The following SORCS3 variants were observed in gnomAD, a reference collection of about 807,000 sequenced individuals.
SORCS3 encodes sortilin related VPS10 domain containing receptor 3.
SORCS3 carries 57 observed loss-of-function variants against 146.3 expected under a neutral mutation model. That is an observed-to-expected ratio of 0.39 (90% CI 0.31 to 0.49). The LOEUF (loss-of-function observed/expected upper bound fraction) is 0.49. Among genes scored for constraint, SORCS3 ranks in the 20% least tolerant of loss-of-function variants. The pLI is 0.92. For missense variants in SORCS3, 1,341 were observed against 1,575.5 expected (o/e 0.85, Z 2.52); for synonymous variants, 653 against 618.5 (o/e 1.06, Z -0.83).
intron 14 of SORCS3, among the ~76,000 whole-genome samples, chr10:105,182,270 T>A (rs1242690786): frequency 7.5e-6 from 1 of 133,204 alleles, no homozygotes; most frequent in Non-Finnish European, 1.6e-5. Flanking sequence ...GGTATCACAT[T>A]GAGCACTTTT....
intron 18 of SORCS3, among the ~76,000 whole-genome samples, chr10:105,215,505 A>G (rs575141176): frequency 6.6e-6 from 1 of 152,274 alleles, no homozygotes; most frequent in Non-Finnish European, 1.5e-5. Context: ...GGGTTGACAG[A>G]TTTCTCAGCC....
At chr10:104,834,293 T>A (rs912672747) in intron 1 of SORCS3, among the ~76,000 whole-genome samples, 1 of 152,174 alleles carries the variant, frequency 6.6e-6, no homozygotes, top group South Asian at 2.1e-4. Flanking sequence ...GTACCAAGAT[T>A]CTTACAGTGC....
At chr10:105,101,345 G>A (rs1033930927) in intron 6 of SORCS3, among the ~76,000 whole-genome samples, 3 of 152,130 alleles carry the variant, frequency 2.0e-5, no homozygotes, top group African/African-American at 7.2e-5. Flanking sequence ...TGACCGCCAG[G>A]CCTGCCTGAC....
intron 1 of SORCS3, among the ~76,000 whole-genome samples, chr10:104,717,673 A>G (rs1361689072): frequency 6.6e-6 from 1 of 152,208 alleles, no homozygotes; most frequent in Non-Finnish European, 1.5e-5. Flanking sequence ...AGATAGTCAC[A>G]CCATCCAAGG....
intron 3 of SORCS3, among the ~76,000 whole-genome samples, chr10:104,975,165 T>C (rs2054887673): frequency 6.6e-6 from 1 of 152,188 alleles, no homozygotes; most frequent in Middle Eastern, 3.4e-3. Context: ...AAAACCCCAT[T>C]GTCTCAGCCC....
At chr10:105,053,209 A>G (rs1441075960) in intron 5 of SORCS3, among the ~76,000 whole-genome samples, 1 of 152,100 alleles carries the variant, frequency 6.6e-6, no homozygotes, top group Non-Finnish European at 1.5e-5. Context: ...TTCAGATACC[A>G]TCAGTTTGGA....
intron 13 of SORCS3, among the ~76,000 whole-genome samples, chr10:105,169,585 G>T (rs1589668916): frequency 6.6e-6 from 1 of 152,208 alleles, no homozygotes; most frequent in East Asian, 1.9e-4. Context: ...TGTAGGGAGT[G>T]TTCAGGGTAC....
intron 1 of SORCS3, among the ~76,000 whole-genome samples, chr10:104,818,374 T>C (rs949012342): frequency 1.3e-5 from 2 of 148,780 alleles, no homozygotes; most frequent in Non-Finnish European, 3.0e-5. Flanking sequence ...CCTTCCTTCC[T>C]TCCTTCCTTC....
At chr10:105,133,656 A>T (rs11192333) in intron 7 of SORCS3, among the ~76,000 whole-genome samples, 1 of 151,930 alleles carries the variant, frequency 6.6e-6, no homozygotes, top group Non-Finnish European at 1.5e-5. Flanking sequence ...AAAATATAGC[A>T]CCAGACTAGA....
At position 104,641,510 on chromosome 10, in the gene SORCS3, G is replaced by T. The variant is rs1162094040; in HGVS notation, c.183G>T (p.Pro61=). Residue 61 remains proline, a synonymous_variant, in exon 1 of 27, where the codon CCG becomes CCT. Coordinates refer to ENST00000369701, the MANE Select transcript of SORCS3 (RefSeq NM_014978.3). This position sits in a 1 kb window ranked among gnomAD's most constrained non-coding sequence, Gnocchi z 6.4. ...CACCGGCGTTGTCTCCACTCTCGCC[G>T]CGGGCAGTGGCCAGCCAGTGGCCGG... is the stretch of plus-strand genomic sequence containing the variant. The part of the protein sequence containing the change: ...SRPPALSPLS[P]RAVASQWPEE... 2 of 1,473,642 alleles carry T rather than the reference G, an allele frequency of 1.4e-6. No individual in the cohort carries two copies. Among genetic ancestry groups the T allele is most frequent in the African/African-American group, 1.5e-5 (1 of 67,982 alleles). 91.3% of individuals were successfully genotyped at this position (1,473,642 alleles called of 1,614,324 possible). A position where few individuals can be genotyped will look rare whatever the true frequency, so the allele number is the denominator to read the frequency against.
At chr10:105,040,283 A>G (rs549319336) in intron 4 of SORCS3, among the ~76,000 whole-genome samples, 26 of 152,290 alleles carry the variant, frequency 1.7e-4, no homozygotes, top group Non-Finnish European at 2.9e-4. Context: ...ATATAGAAAT[A>G]TCCACAAATA....
intron 2 of SORCS3, among the ~76,000 whole-genome samples, chr10:104,890,303 ATGT>A (rs2018736359): frequency 6.6e-6 from 1 of 151,730 alleles, no homozygotes; most frequent in Non-Finnish European, 1.5e-5. Flanking sequence ...ATTACAACTG[ATGT>A]TGTCCTGCAG....
At chr10:105,185,659 C>T (rs770958295) in intron 14 of SORCS3, among the ~76,000 whole-genome samples, 55 of 152,212 alleles carry the variant, frequency 3.6e-4, no homozygotes, top group Non-Finnish European at 7.5e-4. Flanking sequence ...CTTGTGTACC[C>T]ACCACCTGAA....
chr10:105,066,472 T>A (rs1008174219), intron 5 of SORCS3, among the ~76,000 whole-genome samples: 1 of 152,194 alleles, frequency 6.6e-6, no homozygotes, highest in Admixed American at 6.5e-5. Flanking sequence ...CACAAAAGGC[T>A]GCTTTTTCCT....
intron 14 of SORCS3, among the ~76,000 whole-genome samples, chr10:105,195,832 T>C (rs1312117451): frequency 6.6e-6 from 1 of 152,224 alleles, no homozygotes; most frequent in East Asian, 1.9e-4. Context: ...GCAAAGCTCA[T>C]AATCCTACCA....
intron 2 of SORCS3, among the ~76,000 whole-genome samples, chr10:104,903,212 A>C (rs538571081): frequency 1.1e-3 from 167 of 152,300 alleles, no homozygotes; most frequent in African/African-American, 3.9e-3. Flanking sequence ...GATTCAGTGA[A>C]CTGCTTTAAG....
At position 104,654,028 on chromosome 10, in the gene SORCS3, G is replaced by A. The variant is rs532526893; in HGVS notation, c.627+12074G>A. Among the ~76,000 whole-genome samples, 11 of 151,738 alleles carry A rather than the reference G, an allele frequency of 7.2e-5. No homozygotes were observed. The South Asian group carries it at 1.0e-3, about 14-fold the overall frequency. On this transcript the variant is annotated intron_variant, in intron 1 of 26. Transcript: ENST00000369701. ...GGTTCAGTTGTTTTCATTTTTAGAC[G>A]CCACAAATAAGTGAGAATATGCCAT... is the stretch of plus-strand genomic sequence containing the variant.
At chr10:104,940,226 ATATATATATATATTT>A (rs1357879716) in intron 3 of SORCS3, among the ~76,000 whole-genome samples, 48 of 34,482 alleles carry the variant, frequency 1.4e-3, no homozygotes, top group African/African-American at 4.1e-3. Flanking sequence ...ATATATATAT[ATATATATATATATTT>A]TTTTTTTTTT....
intron 2 of SORCS3, among the ~76,000 whole-genome samples, chr10:104,854,571 G>A (rs956107623): frequency 1.3e-5 from 2 of 152,100 alleles, no homozygotes; most frequent in African/African-American, 2.4e-5. Context: ...CTAAGGTTTA[G>A]TTGTACCCAT....
Sources: allele counts gnomAD v4.1 joint callset (sites outside exome capture counted in the v4.1 genomes callset), GRCh38; gene constraint gnomAD v4.1.1; non-coding constraint Gnocchi (gnomAD v3.1); transcripts MANE v1.5; gene names NCBI Gene and HGNC (gene_info 2026-07-23, HGNC 2026-07-21).